The following CPT1B variants were observed in gnomAD, a reference collection of about 807,000 sequenced individuals.
CPT1B encodes carnitine O-palmitoyltransferase 1, muscle isoform.
CPT1B carries 57 observed loss-of-function variants against 92.7 expected under a neutral mutation model. The ratio of observed to expected loss-of-function variants is 0.62; its 90% CI spans 0.50 to 0.77. CPT1B has a LOEUF of 0.77. CPT1B is among the 30% of genes least tolerant of loss of function. The pLI is 0.00. For synonymous variants in CPT1B, 398 were observed against 383.5 expected (o/e 1.04, Z -0.44); for missense variants, 983 against 1,017.4 (o/e 0.97, Z 0.46).
At chr22:50,569,126 GA>G (rs372720822) in intron 19 of CPT1B, 45 bp from the exon 20 acceptor site, 9,255 of 430,738 alleles carry the variant, frequency 0.021, 23 homozygotes, top group African/African-American at 0.028. Flanking sequence ...TATCTATCAA[GA>G]AAAAAAAAAA....
In CPT1B at chr22:50,574,544, G is replaced by C; in HGVS notation, c.834C>G (p.Ile278Met). 1 of 1,614,122 alleles carries C rather than the reference G, an allele frequency of 6.2e-7. No homozygotes were observed. The highest frequency in any genetic ancestry group is 8.5e-7 in the Non-Finnish European group (1 of 1,179,992). Residue 278 changes from isoleucine (I) to methionine (M), a missense_variant, in exon 8 of 20, where the codon ATC (isoleucine) becomes ATG (methionine). By Grantham distance (10) the Ile-to-Met change is conservative (BLOSUM62 1). Coordinates refer to ENST00000312108, the MANE Select transcript of CPT1B (RefSeq NM_152246.3). ...TACGGCGATACATGATCATGGCGTGGATGATGTTTCCCAGGCGGGCTGCCT... is the reference window on the plus strand; with the variant it reads ...TACGGCGATACATGATCATGGCGTGCATGATGTTTCCCAGGCGGGCTGCCT... ...DVQAARLGNI[I>M]HAMIMYRRKL...
At position 50,576,621 on chromosome 22, in the gene CPT1B, A is replaced by G; in HGVS notation, c.476T>C (p.Leu159Pro). The G allele has an allele frequency of 6.2e-7, 1 of 1,610,794 alleles. No individual in the cohort carries two copies. The highest frequency in any genetic ancestry group is 8.5e-7 in the Non-Finnish European group (1 of 1,178,762). The change falls in exon 5 of 20, where the codon CTA (leucine) becomes CCA (proline). Residue 159 changes from leucine (L) to proline (P), a missense_variant. Transcript: ENST00000312108. ...TRIWAMCIRL[L>P]SSRHPMLYSF... ...GTAGAGCATAGGGTGCCGGCTGGAT[A>G]GAAGGCGGATACACATCTGGGGGTA...
At position 50,572,294 on chromosome 22, in the gene CPT1B, G is replaced by A. The variant is rs2070216346; in HGVS notation, c.1367C>T (p.Ser456Phe). ...ATTCTTGAAGGAAATGAGAGTGAAG[G>A]ATTTGTCAAACCACCTGCAGGAAGA... is the stretch of plus-strand genomic sequence containing the variant. ...GNCYNRWFDK[S>F]FTLISFKNGQ... The change falls in exon 12 of 20, where the codon TCC becomes TTC. Residue 456 changes from serine (S) to phenylalanine (F), a missense_variant. Ser to Phe is a radical substitution (Grantham distance 155). Transcript: ENST00000312108. The A allele has an allele frequency of 6.2e-7, 1 of 1,611,672 alleles. No individual in the cohort carries two copies. The highest frequency in any genetic ancestry group is 8.5e-7 in the Non-Finnish European group (1 of 1,177,980).
Position 50,573,854 on chromosome 22 carries a change from G to T in CPT1B, c.971-139C>A. 1 of 776,584 alleles carries T rather than the reference G, an allele frequency of 1.3e-6. No individual in the cohort carries two copies. The highest frequency in any genetic ancestry group is 2.3e-6 in the Non-Finnish European group (1 of 440,150). 48.1% of individuals were successfully genotyped at this position (776,584 alleles called of 1,614,324 possible). ...CTGGGCCTTCCTGCCCCCTGGATGGGATCCGTGTGTCCTAAACCAGGCCCT... is the reference window on the plus strand; with the variant it reads ...CTGGGCCTTCCTGCCCCCTGGATGGTATCCGTGTGTCCTAAACCAGGCCCT... On this transcript the variant is annotated intron_variant, in intron 9 of 19. Transcript: ENST00000312108. This position sits in a 1 kb window ranked among gnomAD's most constrained non-coding sequence, Gnocchi z 5.0.
Position 50,571,260 on chromosome 22 carries a change from G to A in CPT1B, c.1773C>T (p.Ala591=), listed in dbSNP as rs768308413. Reference sequence around the variant, plus strand: ...CCTCCCGGAACATTCTGGTCATTGAGGCCTCATAGGTCAGGCAGAACTTAC... The same window carrying A: ...CCTCCCGGAACATTCTGGTCATTGAAGCCTCATAGGTCAGGCAGAACTTAC... ...DRGKFCLTYE[A]SMTRMFREGR... The change falls in exon 15 of 20, where the codon GCC becomes GCT. Residue 591 remains alanine (A), a synonymous_variant. Coordinates refer to ENST00000312108, the MANE Select transcript of CPT1B (RefSeq NM_152246.3). The A allele has an allele frequency of 1.2e-6, 2 of 1,613,876 alleles. No homozygotes were observed. Among genetic ancestry groups the A allele is most frequent in the South Asian group, 2.2e-5 (2 of 91,086 alleles).
intron 5 of CPT1B, 80 bp from the exon 6 acceptor site, chr22:50,576,415 C>G: frequency 2.5e-6 from 4 of 1,606,690 alleles, no homozygotes; most frequent in African/African-American, 1.3e-5. Flanking sequence ...CCTCTCCCTC[C>G]TCACCCAGCC....
chr22:50,574,776 C>T (rs542788771), intron 7 of CPT1B, 176 bp from the exon 8 acceptor site: 1 of 600,406 alleles, frequency 1.7e-6, no homozygotes, highest in African/African-American at 1.8e-5. Context: ...CGCAGTAACC[C>T]TCTGCTCCAG....
rs1482962027 is a variant in CPT1B at position 50,576,938 on chromosome 22, T to C, written c.378A>G (p.Gln126=). The change falls in exon 4 of 20, where the codon CAA becomes CAG. Residue 126 remains glutamine (Q), a synonymous_variant. Transcript: ENST00000312108. ...GGTAGCAGAGAAGCAGCTTCAGGGT[T>C]TGGCGGAAGAAGAAGATGCCCGTCA... is the stretch of plus-strand genomic sequence containing the variant. ...VWVTGIFFFR[Q]TLKLLLCYHG... 26 of 1,614,048 alleles carry C rather than the reference T, an allele frequency of 1.6e-5. No individual in the cohort carries two copies. The highest frequency in any genetic ancestry group is 2.2e-5 in the Non-Finnish European group (26 of 1,180,018).
rs1251822365 is a variant in CPT1B at position 50,569,434 on chromosome 22, A to G, written c.2236-13T>C. Reference sequence around the variant, plus strand: ...AGCGCTGGGCGTTCTGTGGGAGCCAAGAGTTCAGATGCACCTTCAGATATG... The same window carrying G: ...AGCGCTGGGCGTTCTGTGGGAGCCAGGAGTTCAGATGCACCTTCAGATATG... On this transcript the variant is annotated splice_polypyrimidine_tract_variant and intron_variant, in intron 18 of 19. Coordinates refer to ENST00000312108, the MANE Select transcript of CPT1B (RefSeq NM_152246.3). The G allele has an allele frequency of 8.7e-6, 14 of 1,613,830 alleles. No individual in the cohort carries two copies. Among genetic ancestry groups the G allele is most frequent in the Non-Finnish European group, 1.2e-5 (14 of 1,179,924 alleles).
chr22:50,570,021 C>T (rs949151324), intron 17 of CPT1B, among the ~76,000 whole-genome samples: 1 of 152,230 alleles, frequency 6.6e-6, no homozygotes, highest in Non-Finnish European at 1.5e-5. Context: ...ACCCAGTGCA[C>T]TGCCCAGTAC....
rs752535177 is a variant in CPT1B at position 50,573,642 on chromosome 22, G to A, written c.1044C>T (p.Leu348=). 1.2e-5 allele frequency: 20 copies of A among 1,613,322 alleles called. No individual in the cohort carries two copies. In the Admixed American group the frequency reaches 2.8e-4, roughly 23 times the overall value. Residue 348 remains leucine (L), a synonymous_variant, in exon 10 of 20, where the codon CTC becomes CTT. Transcript: ENST00000312108. The surrounding 1 kb of genome is among the most constrained non-coding windows in gnomAD (Gnocchi z 5.0). Reference sequence around the variant, plus strand: ...GCTTGAGCAGACGGGCGCCCTCATAGAGCCACAGCTTGAAGAAGCGTCCCT... The same window carrying A: ...GCTTGAGCAGACGGGCGCCCTCATAAAGCCACAGCTTGAAGAAGCGTCCCT... ...YHKGRFFKLW[L]YEGARLLKPQ...
chr22:50,574,216 A>G (rs999971786), intron 9 of CPT1B, 119 bp downstream of exon 9: 2 of 786,384 alleles, frequency 2.5e-6, no homozygotes, highest in African/African-American at 3.4e-5. Flanking sequence ...ATCTGTCACA[A>G]TTGACTACTG....
At chr22:50,571,093 G>A in intron 15 of CPT1B, 50 bp from the exon 16 acceptor site, 1 of 1,611,684 alleles carries the variant, frequency 6.2e-7, no homozygotes, top group Non-Finnish European at 8.5e-7. Context: ...CCTCCAGGCA[G>A]ACAGGAGGCA....
intron 2 of CPT1B, 103 bp from the exon 3 acceptor site, chr22:50,577,566 T>C (rs1466149348): frequency 7.3e-6 from 11 of 1,497,956 alleles, no homozygotes; most frequent in South Asian, 1.3e-5. Context: ...GAAGGCTTTC[T>C]CTCCTGATGC....
intron 11 of CPT1B, 64 bp from the exon 12 acceptor site, chr22:50,572,372 A>AC: frequency 9.8e-7 from 1 of 1,016,944 alleles, no homozygotes; most frequent in Admixed American, 1.9e-5. Context: ...CTGACCTGCA[A>AC]CCCCAACCTT....
In CPT1B at chr22:50,577,895, G is replaced by A; in HGVS notation, c.21C>T (p.Ala7=). ...GGGTCACCGTGAACTGGAAGGCCAC[G>A]GCCTGGTGAGCTTCCGCCATCCTGG... MAEAHQ[A]VAFQFTVTPD... The change falls in exon 2 of 20, where the codon GCC becomes GCT. Residue 7 remains alanine, a synonymous_variant. Transcript: ENST00000312108. The A allele has an allele frequency of 6.2e-7, 1 of 1,611,840 alleles. No individual in the cohort carries two copies. Among genetic ancestry groups the A allele is most frequent in the East Asian group, 2.2e-5 (1 of 44,824 alleles).
chr22:50,577,654 AC>A, intron 2 of CPT1B, 120 bp downstream of exon 2: 1 of 1,474,776 alleles, frequency 6.8e-7, no homozygotes, highest in African/African-American at 1.4e-5. Flanking sequence ...TGGTGTCTGT[AC>A]TTCCACAACC....
chr22:50,575,277 G>C (rs936445170), intron 7 of CPT1B, among the ~76,000 whole-genome samples: 1 of 152,182 alleles, frequency 6.6e-6, no homozygotes, highest in Non-Finnish European at 1.5e-5. Flanking sequence ...CCAAAGTGCT[G>C]GGATTACAGG....
chr22:50,571,627 T>G (rs1389739679), intron 13 of CPT1B, 88 bp from the exon 14 acceptor site: 1 of 1,443,118 alleles, frequency 6.9e-7, no homozygotes, highest in Non-Finnish European at 9.4e-7. Context: ...GTTTAGCTGG[T>G]GGAGAAAGGG....
Sources: allele counts gnomAD v4.1 joint callset (sites outside exome capture counted in the v4.1 genomes callset), GRCh38; gene constraint gnomAD v4.1.1; non-coding constraint Gnocchi (gnomAD v3.1); transcripts MANE v1.5; gene names NCBI Gene and HGNC (gene_info 2026-07-23, HGNC 2026-07-21).